EFHC1: variants seen among roughly 807,000 people sequenced by gnomAD.
EFHC1 encodes the protein EF-hand domain containing 1.
A neutral mutation model predicts 69.9 loss-of-function variants in EFHC1; 53 were observed. That is an observed-to-expected ratio of 0.76 (90% confidence interval 0.61 to 0.95). The LOEUF (loss-of-function observed/expected upper bound fraction) is 0.95. Among genes scored for constraint, EFHC1 ranks in the 40% least tolerant of loss-of-function variants. The pLI, the probability that EFHC1 is intolerant of heterozygous loss-of-function variation, is 0.00. For missense variants in EFHC1, 739 were observed against 798.7 expected (o/e 0.93, Z 0.90); for synonymous variants, 256 against 278.4 (o/e 0.92, Z 0.80).
chr6:52,465,436 C>T (rs1765281852), intron 6 of EFHC1, among the ~76,000 whole-genome samples: 1 of 151,922 alleles, frequency 6.6e-6, no homozygotes, highest in Non-Finnish European at 1.5e-5. Flanking sequence ...TCAGAGTAAA[C>T]TTTCTGAAAG....
In EFHC1 at chr6:52,424,090, C is replaced by A. The variant is rs1764251862; in HGVS notation, c.208C>A (p.Pro70Thr). The change falls in exon 2 of 11, where the codon CCA becomes ACA. Residue 70 changes from proline (P) to threonine (T), a missense_variant. Physicochemically the swap from Pro to Thr is conservative, Grantham distance 38. Transcript: ENST00000371068. ...GCTGGATGAGTTGGCCAGTAAGGCA[C>A]CAGTCTTAACTTATGGCCAACCTAA... is the stretch of plus-strand genomic sequence containing the variant. The part of the protein sequence containing the change: ...AELDELASKA[P>T]VLTYGQPKQA... 1.2e-6 allele frequency: 2 copies of A among 1,613,996 alleles called. No individual in the cohort carries two copies. Among genetic ancestry groups the A allele is most frequent in the South Asian group, 2.2e-5 (2 of 91,088 alleles).
chr6:52,420,510 C>A, intron 1 of EFHC1, 37 bp downstream of exon 1: 2 of 1,613,612 alleles, frequency 1.2e-6, no homozygotes, highest in Non-Finnish European at 1.7e-6. Flanking sequence ...CCTGTCCCCA[C>A]CTTCCAGCAG....
intron 9 of EFHC1, chr6:52,487,819 G>A (rs1037527447): frequency 2.0e-5 from 3 of 152,276 alleles, no homozygotes; most frequent in Non-Finnish European, 4.4e-5. Context: ...CCACCTCTCA[G>A]TTGGCAGTCC....
In EFHC1 at chr6:52,497,166, T is replaced by C. The variant is rs1166319900; in HGVS notation, c.*4825T>C. On this transcript the variant is annotated 3_prime_UTR_variant, in exon 11 of 11. Coordinates refer to ENST00000371068, the MANE Select transcript of EFHC1 (RefSeq NM_018100.4). ...TCCACTTTACTATTAAAGAGTCAAA[T>C]AAAAATGATGCTTATTGCTATCCAG... The C allele has an allele frequency of 2.0e-5, 3 of 152,186 alleles. No homozygotes were observed. Among genetic ancestry groups the C allele is most frequent in the Non-Finnish European group, 2.9e-5 (2 of 68,026 alleles). The allele number at this position is 152,186 out of a possible 1,614,324, so 9.4% of individuals were successfully genotyped here.
chr6:52,485,076 A>G (rs1765758742), intron 9 of EFHC1: 1 of 151,066 alleles, frequency 6.6e-6, no homozygotes, highest in South Asian at 2.1e-4. Context: ...ACACATCTTT[A>G]AAAAAAAATG....
At chr6:52,478,323 C>G (rs1166949644) in intron 7 of EFHC1, among the ~76,000 whole-genome samples, 1 of 151,920 alleles carries the variant, frequency 6.6e-6, no homozygotes, top group African/African-American at 2.4e-5. Flanking sequence ...ATACCTAATG[C>G]TAGATGACGA....
Position 52,497,062 on chromosome 6 carries a change from T to C in EFHC1, c.*4721T>C, listed in dbSNP as rs1282032375. ...ATTTCCTCCAAGCTAAATAACATCA[T>C]AGTATAGTAGGCATCAAGGATGATG... On this transcript the variant is annotated 3_prime_UTR_variant, in exon 11 of 11. Transcript: ENST00000371068. The C allele has an allele frequency of 6.6e-6, 1 of 152,182 alleles. No individual in the cohort carries two copies. Among genetic ancestry groups the C allele is most frequent in the Non-Finnish European group, 1.5e-5 (1 of 68,028 alleles). 9.4% of individuals were successfully genotyped at this position (152,182 alleles called of 1,614,324 possible).
In EFHC1 at chr6:52,493,149, A is replaced by G. The variant is rs1236370577; in HGVS notation, c.*808A>G. 4.4e-6 allele frequency: 2 copies of G among 453,572 alleles called. No individual in the cohort carries two copies. The highest frequency in any genetic ancestry group is 2.4e-5 in the Admixed American group (1 of 42,510). The allele number at this position is 453,572 out of a possible 1,614,324, so 28.1% of individuals were successfully genotyped here. On this transcript the variant is annotated 3_prime_UTR_variant, in exon 11 of 11. Coordinates refer to ENST00000371068, the MANE Select transcript of EFHC1 (RefSeq NM_018100.4). Reference sequence around the variant, plus strand: ...AGCCTTTTCTTGCCTTCAGACACAAATGGAAACATCAGCTGTTGGTCTGGA... The same window carrying G: ...AGCCTTTTCTTGCCTTCAGACACAAGTGGAAACATCAGCTGTTGGTCTGGA...
At chr6:52,437,795 G>A (rs907230607) in intron 2 of EFHC1, 6 of 167,228 alleles carry the variant, frequency 3.6e-5, no homozygotes, top group Admixed American at 3.0e-4. Flanking sequence ...CTTAAGATCT[G>A]GTTTAACCTT....
chr6:52,481,926 G>A (rs1765685842), intron 9 of EFHC1: 2 of 152,204 alleles, frequency 1.3e-5, no homozygotes, highest in South Asian at 4.1e-4. Context: ...AACGAATAAA[G>A]CAGGAAGAAA....
chr6:52,486,890 T>G (rs1765798137), intron 9 of EFHC1: 1 of 152,198 alleles, frequency 6.6e-6, no homozygotes, highest in African/African-American at 2.4e-5. Context: ...AATGGACTCT[T>G]CTCATTTAGT....
At chr6:52,478,169 G>A (rs530385771) in intron 7 of EFHC1, among the ~76,000 whole-genome samples, 3,434 of 151,680 alleles carry the variant, frequency 0.023, 72 homozygotes, top group African/African-American at 0.042. Flanking sequence ...GTAAACTATC[G>A]CAAGAACAAA....
intron 6 of EFHC1, 60 bp downstream of exon 6, chr6:52,465,175 A>G: frequency 7.1e-7 from 1 of 1,417,510 alleles, no homozygotes; most frequent in East Asian, 2.3e-5. Flanking sequence ...TAGAAATTTA[A>G]GAAAAAAAGA....
chr6:52,460,294 A>G (rs1765135952), intron 5 of EFHC1, among the ~76,000 whole-genome samples: 2 of 152,334 alleles, frequency 1.3e-5, no homozygotes, highest in Middle Eastern at 3.4e-3. Context: ...CATGCCATAT[A>G]ATTCCATTGG....
intron 5 of EFHC1, among the ~76,000 whole-genome samples, chr6:52,454,872 G>A (rs183930991): frequency 9.9e-5 from 15 of 151,906 alleles, no homozygotes; most frequent in Non-Finnish European, 1.6e-4. Flanking sequence ...CGGGTGGATT[G>A]CTTGAGCCCA....
At chr6:52,473,149 A>C (rs938790808) in intron 7 of EFHC1, among the ~76,000 whole-genome samples, 6 of 152,232 alleles carry the variant, frequency 3.9e-5, no homozygotes, top group African/African-American at 1.4e-4. Flanking sequence ...GTGTATTAAA[A>C]GTCACAGTAA....
At position 52,496,727 on chromosome 6, in the gene EFHC1, A is replaced by G. The variant is rs62407912; in HGVS notation, c.*4386A>G. The G allele has an allele frequency of 6.6e-6, 1 of 152,192 alleles. No individual in the cohort carries two copies. The highest frequency in any genetic ancestry group is 1.5e-5 in the Non-Finnish European group (1 of 68,034). The allele number at this position is 152,192 out of a possible 1,614,324, so 9.4% of individuals were successfully genotyped here. A position where few individuals can be genotyped will look rare whatever the true frequency, so the allele number is the denominator to read the frequency against. ...AAGGGTTAACTGCTTGAGTTCACCTAGCTTCTCATGGCAGAGCAGGACCCA... is the reference window on the plus strand; with the variant it reads ...AAGGGTTAACTGCTTGAGTTCACCTGGCTTCTCATGGCAGAGCAGGACCCA... On this transcript the variant is annotated 3_prime_UTR_variant, in exon 11 of 11. Coordinates refer to ENST00000371068, the MANE Select transcript of EFHC1 (RefSeq NM_018100.4).
intron 3 of EFHC1, among the ~76,000 whole-genome samples, chr6:52,444,320 A>C (rs562855367): frequency 6.6e-6 from 1 of 152,060 alleles, no homozygotes; most frequent in Non-Finnish European, 1.5e-5. Flanking sequence ...AACTTCCAAC[A>C]CTCTGTTGAA....
chr6:52,425,921 G>A (rs1764290807), intron 2 of EFHC1, among the ~76,000 whole-genome samples: 1 of 152,138 alleles, frequency 6.6e-6, no homozygotes, highest in Non-Finnish European at 1.5e-5. Context: ...TAAAGACCAG[G>A]ACATCTATTC....
Sources: gnomAD v4.1 joint callset for allele counts (sites outside exome capture counted in the v4.1 genomes callset) on GRCh38, gnomAD v4.1.1 for gene constraint, MANE v1.5 for transcripts, NCBI Gene and HGNC (gene_info 2026-07-23, HGNC 2026-07-21) for gene names.